Variants in TMOD3 observed in about 807,000 individuals in gnomAD.
TMOD3 encodes the protein tropomodulin 3.
Under a neutral mutation model 39.2 loss-of-function variants are expected in TMOD3, and 20 were observed. The ratio of observed to expected loss-of-function variants is 0.51; its 90% CI spans 0.36 to 0.74. The LOEUF (loss-of-function observed/expected upper bound fraction) is 0.74, where lower values mean the gene tolerates loss of function less well. Among genes scored for constraint, TMOD3 ranks in the 30% least tolerant of loss-of-function variants. TMOD3 has a pLI of 0.00. For missense variants in TMOD3, 381 were observed against 412.8 expected (o/e 0.92, Z 0.67); for synonymous variants, 143 against 145.8 (o/e 0.98, Z 0.14).
At chr15:51,837,221 C>G (rs1289315145) in intron 1 of TMOD3, among the ~76,000 whole-genome samples, 2 of 152,076 alleles carry the variant, frequency 1.3e-5, no homozygotes, top group Admixed American at 1.3e-4. Context: ...AAAATATTTT[C>G]ATTCCCTGGG....
intron 2 of TMOD3, among the ~76,000 whole-genome samples, chr15:51,866,587 T>C (rs1349093958): frequency 6.6e-6 from 1 of 152,220 alleles, no homozygotes; most frequent in Non-Finnish European, 1.5e-5. Context: ...GTGTGTCACA[T>C]GGGCTTGAGC....
intron 2 of TMOD3, among the ~76,000 whole-genome samples, chr15:51,865,931 C>A (rs1372807808): frequency 6.6e-6 from 1 of 151,944 alleles, no homozygotes; most frequent in Non-Finnish European, 1.5e-5. Flanking sequence ...CAGAAGACAG[C>A]CAGCCTAGGA....
At chr15:51,837,388 A>C (rs2056291757) in intron 1 of TMOD3, among the ~76,000 whole-genome samples, 1 of 151,890 alleles carries the variant, frequency 6.6e-6, no homozygotes, top group Non-Finnish European at 1.5e-5. Context: ...ATGGTGGGCT[A>C]TAATTAACCC....
At chr15:51,890,969 C>A (rs2056590012) in intron 5 of TMOD3, among the ~76,000 whole-genome samples, 1 of 152,086 alleles carries the variant, frequency 6.6e-6, no homozygotes, top group Admixed American at 6.5e-5. Flanking sequence ...TAAAGCAAAC[C>A]CTGTTCATTT....
intron 1 of TMOD3, chr15:51,859,626 G>A (rs915161608): frequency 3.7e-6 from 2 of 534,944 alleles, no homozygotes; most frequent in Admixed American, 2.2e-5. Context: ...TTGGCTTTTG[G>A]CACCTTCACT....
chr15:51,901,078 C>G (rs1475921931), intron 8 of TMOD3: 1 of 152,208 alleles, frequency 6.6e-6, no homozygotes, highest in Non-Finnish European at 1.5e-5. Flanking sequence ...TTCTGGACAG[C>G]TTATATCTGT....
At chr15:51,869,147 G>A in intron 2 of TMOD3, 70 bp from the exon 3 acceptor site, 1 of 1,514,552 alleles carries the variant, frequency 6.6e-7, no homozygotes, top group African/African-American at 1.4e-5. Flanking sequence ...TTTTTATATG[G>A]GTAATCTTCG....
At position 51,860,109 on chromosome 15, in the gene TMOD3, C is replaced by T. The variant is rs1444833250; in HGVS notation, c.-74-2702C>T. 13 of 484,878 alleles carry T rather than the reference C, an allele frequency of 2.7e-5. No homozygotes were observed. The East Asian group carries it at 3.2e-4, about 12-fold the overall frequency. The allele number at this position is 484,878 out of a possible 1,614,324, so 30.0% of individuals were successfully genotyped here. A position where few individuals can be genotyped will look rare whatever the true frequency, so the allele number is the denominator to read the frequency against. On this transcript the variant is annotated intron_variant, in intron 1 of 9. Coordinates refer to ENST00000308580, the MANE Select transcript of TMOD3 (RefSeq NM_014547.5). ...TTGTCTTATTTCGTTGTAGGCTGTA[C>T]GCTGCTCTTCTCCCGTTTGTGACTC... is the stretch of plus-strand genomic sequence containing the variant.
At position 51,913,483 on chromosome 15, in the gene TMOD3, C is replaced by T. The variant is rs1337972538; in HGVS notation, c.*4673C>T. On this transcript the variant is annotated 3_prime_UTR_variant, in exon 10 of 10. Transcript: ENST00000308580. ...AATCTGAAACACTTAATGGTCCCAG[C>T]ATGTTGGATAAGGGATACTCAACCT... 1 of 152,140 alleles carries T rather than the reference C, an allele frequency of 6.6e-6. No homozygotes were observed. The highest frequency in any genetic ancestry group is 1.5e-5 in the Non-Finnish European group (1 of 68,026). The allele number at this position is 152,140 out of a possible 1,614,324, so 9.4% of individuals were successfully genotyped here.
Position 51,908,866 on chromosome 15 carries a change from G to C in TMOD3, c.*56G>C, listed in dbSNP as rs1264789335. On this transcript the variant is annotated 3_prime_UTR_variant, in exon 10 of 10. Coordinates refer to ENST00000308580, the MANE Select transcript of TMOD3 (RefSeq NM_014547.5). ...CAGAAGATCACCAAGGGCTCATGTT[G>C]GTGACATCATGTAAAATTTTCCTGG... is the stretch of plus-strand genomic sequence containing the variant. The C allele has an allele frequency of 6.8e-7, 1 of 1,465,234 alleles. No homozygotes were observed. Among genetic ancestry groups the C allele is most frequent in the East Asian group, 2.4e-5 (1 of 42,014 alleles). The allele number at this position is 1,465,234 out of a possible 1,614,324, so 90.8% of individuals were successfully genotyped here.
intron 9 of TMOD3, among the ~76,000 whole-genome samples, chr15:51,903,322 T>C (rs2056662608): frequency 6.6e-6 from 1 of 152,256 alleles, no homozygotes; most frequent in South Asian, 2.1e-4. Flanking sequence ...GTTGACTCTT[T>C]TAAATTAGGA....
At chr15:51,886,309 G>A (rs1227661454) in intron 3 of TMOD3, among the ~76,000 whole-genome samples, 2 of 152,230 alleles carry the variant, frequency 1.3e-5, no homozygotes, top group Admixed American at 6.5e-5. Context: ...GGGAGGCCAA[G>A]GCAGGCGGCT....
chr15:51,849,851 T>C (rs1044012507), intron 1 of TMOD3, among the ~76,000 whole-genome samples: 1 of 151,958 alleles, frequency 6.6e-6, no homozygotes, highest in Admixed American at 6.6e-5. Context: ...GGAAAATTGC[T>C]TGAACTCAGG....
At chr15:51,859,115 G>T in intron 1 of TMOD3, 2 of 560,068 alleles carry the variant, frequency 3.6e-6, no homozygotes, top group Non-Finnish European at 6.5e-6. Context: ...TACAAAAATG[G>T]ACTCATAATA....
intron 1 of TMOD3, among the ~76,000 whole-genome samples, chr15:51,846,149 C>T: frequency 1.0e-5 from 1 of 99,552 alleles, no homozygotes; most frequent in Middle Eastern, 5.5e-3. Flanking sequence ...AACCCCATTT[C>T]TACCAAAAAA....
chr15:51,872,501 A>G lies in TMOD3; in HGVS notation c.283+3128A>G, dbSNP rs151171332. 3.8e-3 allele frequency among the ~76,000 whole-genome samples: 571 copies of G among 152,090 alleles called. 4 individuals are homozygous for G. Among genetic ancestry groups the G allele is most frequent in the African/African-American group, 0.013 (535 of 41,468 alleles). On this transcript the variant is annotated intron_variant, in intron 3 of 9. Coordinates refer to ENST00000308580, the MANE Select transcript of TMOD3 (RefSeq NM_014547.5). ...AATTACCAACATAGTGTCTAATACA[A>G]TAGTTAGTTCTGTCTGTTTTGAACT...
At chr15:51,902,873 G>T (rs866145933) in intron 9 of TMOD3, among the ~76,000 whole-genome samples, 11 of 151,436 alleles carry the variant, frequency 7.3e-5, no homozygotes, top group Non-Finnish European at 1.2e-4. Context: ...GGATGGTCTC[G>T]ATCTCCTGAC....
intron 1 of TMOD3, among the ~76,000 whole-genome samples, chr15:51,850,019 T>G (rs1303902369): frequency 6.7e-6 from 1 of 149,166 alleles, no homozygotes; most frequent in Non-Finnish European, 1.5e-5. Context: ...GTGGAGTGAG[T>G]GGTGGGGATG....
chr15:51,907,560 C>G (rs768070932), intron 9 of TMOD3, among the ~76,000 whole-genome samples: 1 of 152,228 alleles, frequency 6.6e-6, no homozygotes, highest in Non-Finnish European at 1.5e-5. Context: ...GGCCAGGACA[C>G]CAGGTGTACC....
Sources: allele counts gnomAD v4.1 joint callset (sites outside exome capture counted in the v4.1 genomes callset), GRCh38; gene constraint gnomAD v4.1.1; transcripts MANE v1.5; gene names NCBI Gene and HGNC (gene_info 2026-07-23, HGNC 2026-07-21).